LYRM7: variants seen among roughly 807,000 people sequenced by gnomAD.
The protein encoded by LYRM7 is LYR motif containing 7.
In LYRM7, 9 loss-of-function variants were observed where a neutral mutation model predicts 15.8. The ratio of observed to expected loss-of-function variants is 0.57; its 90% CI spans 0.34 to 0.99. The LOEUF (loss-of-function observed/expected upper bound fraction) is 0.99. Among genes scored for constraint, LYRM7 ranks in the 50% least tolerant of loss-of-function variants. The pLI is 0.02. For missense variants in LYRM7, 115 were observed against 119.1 expected (o/e 0.97, Z 0.16); for synonymous variants, 39 against 39.4 (o/e 0.99, Z 0.04).
rs750902702 is a variant in LYRM7, at chr5:131,182,329, CTT to C, written c.162+31_162+32del. On this transcript the variant is annotated intron_variant, in intron 3 of 4. Transcript: ENST00000379380. ...AGTAATTTTTTCAATTATAGTAAAA[CTT>C]ATACAATTATCTTGTCAAAGAGGAA... The C allele has an allele frequency of 2.5e-5, 33 of 1,334,002 alleles. No individual in the cohort carries two copies. The South Asian group carries it at 4.3e-4, about 17-fold the overall frequency. 82.6% of individuals were successfully genotyped at this position (1,334,002 alleles called of 1,614,324 possible).
intron 1 of LYRM7, among the ~76,000 whole-genome samples, chr5:131,177,591 C>A (rs1205372952): frequency 6.6e-6 from 1 of 152,126 alleles, no homozygotes; most frequent in Non-Finnish European, 1.5e-5. Flanking sequence ...AGGTACCATT[C>A]TGATTTTTTC....
At chr5:131,178,382 A>G (rs1483784236) in intron 1 of LYRM7, among the ~76,000 whole-genome samples, 1 of 152,190 alleles carries the variant, frequency 6.6e-6, no homozygotes, top group Non-Finnish European at 1.5e-5. Flanking sequence ...AGTTTCCACG[A>G]CAAGAGTAAG....
intron 4 of LYRM7, among the ~76,000 whole-genome samples, chr5:131,196,832 A>G (rs530684424): frequency 2.0e-5 from 3 of 151,876 alleles, no homozygotes; most frequent in African/African-American, 7.2e-5. Flanking sequence ...TAATTTTTGT[A>G]TTTTTAGTAG....
intron 1 of LYRM7, among the ~76,000 whole-genome samples, chr5:131,173,140 G>C (rs531876954): frequency 1.5e-4 from 23 of 152,162 alleles, no homozygotes; most frequent in Non-Finnish European, 2.5e-4. Context: ...CTCTGCTCTT[G>C]CAATATTAAA....
chr5:131,198,478 G>A (rs1025417686), intron 4 of LYRM7, among the ~76,000 whole-genome samples: 5 of 152,142 alleles, frequency 3.3e-5, no homozygotes, highest in East Asian at 1.9e-4. Flanking sequence ...GTAGAAGGTC[G>A]TGCAAGCATT....
intron 1 of LYRM7, 59 bp downstream of exon 1, chr5:131,171,097 T>A (rs1218238980): frequency 6.9e-7 from 1 of 1,457,174 alleles, no homozygotes; most frequent in African/African-American, 1.5e-5. Flanking sequence ...GTTCGCGTCC[T>A]TGAGAAAACT....
At chr5:131,198,747 T>TTTC (rs1441726904) in intron 4 of LYRM7, among the ~76,000 whole-genome samples, 1 of 151,684 alleles carries the variant, frequency 6.6e-6, no homozygotes, top group East Asian at 1.9e-4. Flanking sequence ...TTTTTTTTTT[T>TTTC]TTCAGTAGAG....
chr5:131,181,630 G>A lies in LYRM7; in HGVS notation c.92-599G>A, dbSNP rs572624864. Among the ~76,000 whole-genome samples, 42 of 150,952 alleles carry A rather than the reference G, an allele frequency of 2.8e-4. No homozygotes were observed. The South Asian group carries it at 3.6e-3, about 13-fold the overall frequency. ...TGCATATTTGCTAAGCACTTTATAC[G>A]GATTGTTCCATTAAACGCTCACAGC... On this transcript the variant is annotated intron_variant, in intron 2 of 4. Coordinates refer to ENST00000379380, the MANE Select transcript of LYRM7 (RefSeq NM_181705.4).
At chr5:131,172,097 C>G (rs1242583530) in intron 1 of LYRM7, among the ~76,000 whole-genome samples, 3 of 152,156 alleles carry the variant, frequency 2.0e-5, no homozygotes, top group Non-Finnish European at 4.4e-5. Flanking sequence ...GTTTTGTGAG[C>G]ATATAACTAG....
rs1211860480 is a variant in LYRM7 at position 131,204,169 on chromosome 5, G to A, written c.*4568G>A. 1.3e-5 allele frequency: 2 copies of A among 151,274 alleles called. No individual in the cohort carries two copies. Among genetic ancestry groups the A allele is most frequent in the South Asian group, 4.2e-4 (2 of 4,808 alleles). The allele number at this position is 151,274 out of a possible 1,614,324, so 9.4% of individuals were successfully genotyped here. ...GCTGGACTCAAACTTCTGGACTCAA[G>A]CAATCCTCGCAACATCATTAATAGC... is the stretch of plus-strand genomic sequence containing the variant. On this transcript the variant is annotated 3_prime_UTR_variant, in exon 5 of 5. Coordinates refer to ENST00000379380, the MANE Select transcript of LYRM7 (RefSeq NM_181705.4).
intron 4 of LYRM7, among the ~76,000 whole-genome samples, chr5:131,194,078 G>C (rs1463143033): frequency 6.6e-6 from 1 of 152,130 alleles, no homozygotes; most frequent in Non-Finnish European, 1.5e-5. Flanking sequence ...CGTTTCAGGG[G>C]CCTGAAGTAC....
Position 131,199,522 on chromosome 5 carries a change from T to C in LYRM7, c.245-9T>C. ...ATGTTAATTATTCTCTTTTTTTTTT[T>C]TCTTTCAGAACTGGTCCCTAGGAAA... is the stretch of plus-strand genomic sequence containing the variant. On this transcript the variant is annotated splice_polypyrimidine_tract_variant and intron_variant, in intron 4 of 4. Transcript: ENST00000379380. 1.3e-6 allele frequency: 2 copies of C among 1,566,638 alleles called. No individual in the cohort carries two copies. The highest frequency in any genetic ancestry group is 1.7e-6 in the Non-Finnish European group (2 of 1,158,614).
chr5:131,195,638 G>A (rs574741831), intron 4 of LYRM7, among the ~76,000 whole-genome samples: 2 of 152,304 alleles, frequency 1.3e-5, no homozygotes, highest in East Asian at 3.9e-4. Context: ...TAAGGGTTAA[G>A]GAGATGGGCA....
Position 131,184,647 on chromosome 5 carries a change from G to GGA in LYRM7, c.162+2349_162+2350insAG, listed in dbSNP as rs1755767098. ...AAATGGAATTTTTTTTGGCGGGGGG[G>GGA]GGGTTCCAGGATTCATGCAGACCAC... On this transcript the variant is annotated intron_variant, in intron 3 of 4. Transcript: ENST00000379380. 2.1e-5 allele frequency among the ~76,000 whole-genome samples: 3 copies of GGA among 145,210 alleles called. No individual in the cohort carries two copies. The South Asian group carries it at 6.3e-4, about 31-fold the overall frequency.
In LYRM7 at chr5:131,199,620, A is replaced by G. The variant is rs1352195280; in HGVS notation, c.*19A>G. ...GCAATGAGTTTTCTAGAATACAACA[A>G]GTCTTTGTACTTTTTAACTTTAAAA... On this transcript the variant is annotated 3_prime_UTR_variant, in exon 5 of 5. Transcript: ENST00000379380. The G allele has an allele frequency of 5.1e-6, 8 of 1,564,754 alleles. No individual in the cohort carries two copies. Among genetic ancestry groups the G allele is most frequent in the Non-Finnish European group, 7.0e-6 (8 of 1,150,274 alleles).
intron 3 of LYRM7, among the ~76,000 whole-genome samples, chr5:131,184,640 C>CGG (rs561008958): frequency 0.083 from 10,461 of 126,674 alleles, 441 homozygotes; most frequent in East Asian, 0.11. Context: ...TTTTTTTTGG[C>CGG]GGGGGGGGGG....
Position 131,204,547 on chromosome 5 carries a change from C to T in LYRM7, c.*4946C>T, listed in dbSNP as rs1756140240. 6.6e-6 allele frequency: 1 copy of T among 150,838 alleles called. No homozygotes were observed. The highest frequency in any genetic ancestry group is 6.6e-5 in the Admixed American group (1 of 15,074). The allele number at this position is 150,838 out of a possible 1,614,324, so 9.3% of individuals were successfully genotyped here. A position where few individuals can be genotyped will look rare whatever the true frequency, so the allele number is the denominator to read the frequency against. Reference sequence around the variant, plus strand: ...TATCCCTAATCCAGAAATTCAAATGCTCCAAAGTCCAAAACTTTCTGACCC... The same window carrying T: ...TATCCCTAATCCAGAAATTCAAATGTTCCAAAGTCCAAAACTTTCTGACCC... On this transcript the variant is annotated 3_prime_UTR_variant, in exon 5 of 5. Transcript: ENST00000379380.
rs561638453 is a variant in LYRM7, at chr5:131,196,435, C to T, written c.245-3096C>T. On this transcript the variant is annotated intron_variant, in intron 4 of 4. Transcript: ENST00000379380. ...CTGGTCTATATAAACCGTGTCTATT[C>T]GGTGTTACTTCCAAGAAAGTCATTG... Among the ~76,000 whole-genome samples, 71 of 152,152 alleles carry T rather than the reference C, an allele frequency of 4.7e-4. 2 individuals carry two copies. The South Asian group carries it at 0.015, about 31-fold the overall frequency.
Position 131,201,736 on chromosome 5 carries a change from A to T in LYRM7, c.*2135A>T, listed in dbSNP as rs553064269. ...CTCCGTCTCAAAAATAAATAAATAA[A>T]TAAAGTTCCTGTGAAGTATATAAAC... On this transcript the variant is annotated 3_prime_UTR_variant, in exon 5 of 5. Coordinates refer to ENST00000379380, the MANE Select transcript of LYRM7 (RefSeq NM_181705.4). 3 of 152,254 alleles carry T rather than the reference A, an allele frequency of 2.0e-5. No homozygotes were observed. In the East Asian group the frequency reaches 5.8e-4, roughly 29 times the overall value. 9.4% of individuals were successfully genotyped at this position (152,254 alleles called of 1,614,324 possible).
Sources: gnomAD v4.1 joint callset for allele counts (sites outside exome capture counted in the v4.1 genomes callset) on GRCh38, gnomAD v4.1.1 for gene constraint, MANE v1.5 for transcripts, NCBI Gene and HGNC (gene_info 2026-07-23, HGNC 2026-07-21) for gene names.